The following EXOC2 variants were observed in gnomAD, a reference collection of about 807,000 sequenced individuals.
EXOC2 encodes the protein SEC5-like 1.
EXOC2 carries 70 observed loss-of-function variants against 131.8 expected under a neutral mutation model. The ratio of observed to expected loss-of-function variants is 0.53; its 90% CI spans 0.44 to 0.65. The LOEUF (loss-of-function observed/expected upper bound fraction) is 0.65. Among genes scored for constraint, EXOC2 ranks in the 30% least tolerant of loss-of-function variants. The pLI is 0.00. For missense variants in EXOC2, 923 were observed against 1,108.6 expected (o/e 0.83, Z 2.38); for synonymous variants, 411 against 398.4 (o/e 1.03, Z -0.38).
chr6:605,339 T>G, intron 7 of EXOC2, among the ~76,000 whole-genome samples: 1 of 152,242 alleles, frequency 6.6e-6, no homozygotes, highest in Non-Finnish European at 1.5e-5. Flanking sequence ...TATTGTTGGT[T>G]ACGAATGAAT....
At chr6:572,904 G>A (rs1268978361) in intron 12 of EXOC2, among the ~76,000 whole-genome samples, 1 of 152,254 alleles carries the variant, frequency 6.6e-6, no homozygotes, top group Non-Finnish European at 1.5e-5. Context: ...CAGGGCAAGG[G>A]ACCAGGTGGC....
rs1313965277 is a variant in EXOC2, at chr6:617,845, A to C, written c.537-10T>G. ...TTTGAGCTGCTCAAAACTGAAATGA[A>C]ATAAAGAAACCAAAGTTTGACACTT... On this transcript the variant is annotated splice_polypyrimidine_tract_variant and intron_variant, in intron 5 of 27. Transcript: ENST00000230449. 6.2e-7 allele frequency: 1 copy of C among 1,609,350 alleles called. No individual in the cohort carries two copies. Among genetic ancestry groups the C allele is most frequent in the South Asian group, 1.1e-5 (1 of 89,852 alleles).
chr6:564,511 G>A, intron 15 of EXOC2, 34 bp downstream of exon 15: 1 of 1,611,814 alleles, frequency 6.2e-7, no homozygotes, highest in Non-Finnish European at 8.5e-7. Context: ...AAAAACAGAA[G>A]TACGCCTTTC....
At chr6:591,212 C>T (rs189950130) in intron 11 of EXOC2, among the ~76,000 whole-genome samples, 4 of 152,302 alleles carry the variant, frequency 2.6e-5, no homozygotes, top group African/African-American at 4.8e-5. Context: ...CCACTATGGG[C>T]GGCCAGAGTC....
At chr6:665,101 C>G (rs1763582029) in intron 1 of EXOC2, among the ~76,000 whole-genome samples, 1 of 152,052 alleles carries the variant, frequency 6.6e-6, no homozygotes, top group Admixed American at 6.5e-5. Context: ...AAAAAACAAT[C>G]ACATCAAAAA....
chr6:571,303 T>C (rs568520629), intron 13 of EXOC2, among the ~76,000 whole-genome samples: 1 of 152,222 alleles, frequency 6.6e-6, no homozygotes, highest in Admixed American at 6.5e-5. Flanking sequence ...GCTTACACGA[T>C]TGGTTTTTCT....
Position 617,720 on chromosome 6 carries a change from C to T in EXOC2, c.652G>A (p.Ala218Thr), listed in dbSNP as rs1761085171. Residue 218 changes from alanine (A) to threonine (T), a missense_variant, in exon 6 of 28, where the codon GCC becomes ACC. Transcript: ENST00000230449. ...GLSTFFEAQD[A>T]LSAIHQKLEA... ...CTGAGGATCGCCTTACCTGAGAGGG[C>T]ATCCTGTGCTTCGAAGAATGTACTG... is the stretch of plus-strand genomic sequence containing the variant. 1.2e-6 allele frequency: 2 copies of T among 1,612,082 alleles called. No individual in the cohort carries two copies. Among genetic ancestry groups the T allele is most frequent in the Non-Finnish European group, 1.7e-6 (2 of 1,179,034 alleles).
At chr6:657,960 C>T (rs1763216183) in intron 1 of EXOC2, among the ~76,000 whole-genome samples, 1 of 151,994 alleles carries the variant, frequency 6.6e-6, no homozygotes, top group African/African-American at 2.4e-5. Flanking sequence ...TATTCTTTGC[C>T]CTTGGGAAAT....
At chr6:607,538 T>C (rs1035820227) in intron 7 of EXOC2, among the ~76,000 whole-genome samples, 41 of 152,366 alleles carry the variant, frequency 2.7e-4, no homozygotes, top group African/African-American at 9.1e-4. Flanking sequence ...ACCTGCACTG[T>C]CTAACACAGT....
intron 1 of EXOC2, among the ~76,000 whole-genome samples, chr6:657,858 A>G (rs1212541305): frequency 6.6e-6 from 1 of 152,098 alleles, no homozygotes; most frequent in African/African-American, 2.4e-5. Context: ...CTTGATTTTA[A>G]GATATCTAGC....
At chr6:672,034 T>C (rs1763898158) in intron 1 of EXOC2, among the ~76,000 whole-genome samples, 1 of 152,208 alleles carries the variant, frequency 6.6e-6, no homozygotes, top group African/African-American at 2.4e-5. Context: ...TCTTCTGTTA[T>C]TTTTTTCCTT....
At position 486,608 on chromosome 6, in the gene EXOC2, A is replaced by T; in HGVS notation, c.*63T>A. 1 of 1,386,254 alleles carries T rather than the reference A, an allele frequency of 7.2e-7. No homozygotes were observed. Among genetic ancestry groups the T allele is most frequent in the Non-Finnish European group, 1.0e-6 (1 of 975,928 alleles). 85.9% of individuals were successfully genotyped at this position (1,386,254 alleles called of 1,614,324 possible). On this transcript the variant is annotated 3_prime_UTR_variant, in exon 28 of 28. Coordinates refer to ENST00000230449, the MANE Select transcript of EXOC2 (RefSeq NM_018303.6). ...TTAATACACCAAATACCTTTAGGGT[A>T]CTTAGAGAGTGAACAGTCTTATTAC...
At chr6:489,196 TAAAAGC>T (rs746418376) in intron 26 of EXOC2, among the ~76,000 whole-genome samples, 158 bp from the exon 27 acceptor site, 21 of 152,040 alleles carry the variant, frequency 1.4e-4, no homozygotes, top group Non-Finnish European at 2.1e-4. Flanking sequence ...AAAGTAAAAG[TAAAAGC>T]GAAGGTGTAG....
intron 25 of EXOC2, among the ~76,000 whole-genome samples, chr6:494,693 A>G (rs560922643): frequency 4.6e-5 from 7 of 152,176 alleles, no homozygotes; most frequent in African/African-American, 1.4e-4. Flanking sequence ...AAAACTATAC[A>G]GTATACGTAT....
At chr6:575,508 T>TCTCCATCCTCTCCCTCG (rs1758529977) in intron 12 of EXOC2, among the ~76,000 whole-genome samples, 1 of 151,992 alleles carries the variant, frequency 6.6e-6, no homozygotes, top group South Asian at 2.1e-4. Context: ...CCTCGCTCCC[T>TCTCCATCCTCTCCCTCG]CTCCATCCTC....
At chr6:584,339 C>T (rs939502376) in intron 11 of EXOC2, among the ~76,000 whole-genome samples, 4 of 152,110 alleles carry the variant, frequency 2.6e-5, no homozygotes, top group African/African-American at 9.7e-5. Context: ...AAGGTCCTAG[C>T]TGTATTTTTT....
At chr6:561,805 C>T (rs192117282) in intron 17 of EXOC2, among the ~76,000 whole-genome samples, 177 of 152,218 alleles carry the variant, frequency 1.2e-3, no homozygotes, top group African/African-American at 4.1e-3. Flanking sequence ...AGGATGGTCT[C>T]GCTCTTGACC....
At chr6:563,574 T>C (rs1387591682) in intron 16 of EXOC2, among the ~76,000 whole-genome samples, 1 of 152,166 alleles carries the variant, frequency 6.6e-6, no homozygotes, top group African/African-American at 2.4e-5. Context: ...TGATTTTATG[T>C]AGAAAAGCCT....
intron 1 of EXOC2, among the ~76,000 whole-genome samples, chr6:674,408 T>G (rs957509943): frequency 6.6e-6 from 1 of 152,214 alleles, no homozygotes; most frequent in Non-Finnish European, 1.5e-5. Context: ...AAAAAGTTCA[T>G]GTACCCTGTT....
Sources: gnomAD v4.1 joint callset for allele counts (sites outside exome capture counted in the v4.1 genomes callset) on GRCh38, gnomAD v4.1.1 for gene constraint, MANE v1.5 for transcripts, NCBI Gene and HGNC (gene_info 2026-07-23, HGNC 2026-07-21) for gene names.